The following P4HA1 variants were observed in gnomAD, a reference collection of about 807,000 sequenced individuals.
The protein encoded by P4HA1 is prolyl 4-hydroxylase subunit alpha 1.
A neutral mutation model predicts 72.8 loss-of-function variants in P4HA1; 24 were observed. The observed-to-expected ratio is 0.33, with a 90% CI of 0.24 to 0.46. The LOEUF is 0.46. Ranked by LOEUF, P4HA1 falls within the 20% of genes least tolerant of loss-of-function variation. The probability of loss-of-function intolerance (pLI) is 1.00; values close to 1 mark genes in which losing one functional copy is unlikely to be tolerated. For synonymous variants in P4HA1, 201 were observed against 218.8 expected (o/e 0.92, Z 0.72); for missense variants, 446 against 640.6 (o/e 0.70, Z 3.28).
chr10:73,079,178 G>A (rs1474297954), intron 1 of P4HA1, among the ~76,000 whole-genome samples: 4 of 152,206 alleles, frequency 2.6e-5, no homozygotes, highest in Admixed American at 6.5e-5. Context: ...AGCCTAAACT[G>A]GGTGCAGTGG....
chr10:73,058,090 G>GGAAA (rs1841198148), intron 5 of P4HA1, among the ~76,000 whole-genome samples: 1 of 23,060 alleles, frequency 4.3e-5, no homozygotes, highest in African/African-American at 1.4e-4. Context: ...ACTCCGTCCA[G>GGAAA]AAAAAAAAAA....
intron 5 of P4HA1, among the ~76,000 whole-genome samples, chr10:73,056,496 G>A (rs1327747016): frequency 6.6e-6 from 1 of 152,036 alleles, no homozygotes; most frequent in Non-Finnish European, 1.5e-5. Flanking sequence ...GCCAGGCATG[G>A]TGGCGGGTGC....
intron 5 of P4HA1, among the ~76,000 whole-genome samples, chr10:73,063,322 A>C (rs1035193698): frequency 6.6e-6 from 1 of 152,178 alleles, no homozygotes; most frequent in African/African-American, 2.4e-5. Flanking sequence ...ATGTCCTCAC[A>C]TGGTGAAGGC....
At chr10:73,058,134 A>G (rs1841203393) in intron 5 of P4HA1, among the ~76,000 whole-genome samples, 1 of 150,624 alleles carries the variant, frequency 6.6e-6, no homozygotes, top group African/African-American at 2.5e-5. Context: ...AATAAAGACA[A>G]CATTGATAGG....
At chr10:73,095,819 G>A (rs1842152452) in intron 1 of P4HA1, among the ~76,000 whole-genome samples, 2 of 152,178 alleles carry the variant, frequency 1.3e-5, no homozygotes, top group Non-Finnish European at 2.9e-5. Flanking sequence ...AGATGTTAGT[G>A]TCTAAACATT....
chr10:73,022,532 TG>T (rs1840161386), intron 10 of P4HA1, among the ~76,000 whole-genome samples: 1 of 152,082 alleles, frequency 6.6e-6, no homozygotes, highest in African/African-American at 2.4e-5. Flanking sequence ...ACCACAAAGA[TG>T]GGGAGAAACC....
rs1229563598 is a variant in P4HA1 at position 73,023,808 on chromosome 10, GAA to G, written c.1248+6461_1248+6462del. Among the ~76,000 whole-genome samples the G allele has an allele frequency of 1.7e-3, 144 of 85,180 alleles. 1 individual carries two copies. Among genetic ancestry groups the G allele is most frequent in the Middle Eastern group, 8.1e-3 (1 of 124 alleles). 55.9% of individuals were successfully genotyped at this position (85,180 alleles called of 152,430 possible). ...GGAAGATCTACGAAGCAAATGGAAA[GAA>G]AAAAAAAAAAAAAAGCAGCGGCTGC... On this transcript the variant is annotated intron_variant, in intron 10 of 14. Transcript: ENST00000394890.
intron 4 of P4HA1, among the ~76,000 whole-genome samples, chr10:73,069,982 G>T (rs1841514510): frequency 6.6e-6 from 1 of 151,242 alleles, no homozygotes; most frequent in Non-Finnish European, 1.5e-5. Context: ...GCTAATTTTT[G>T]TATTTCTAGT....
chr10:73,060,455 C>T (rs1394405720), intron 5 of P4HA1, among the ~76,000 whole-genome samples: 1 of 152,172 alleles, frequency 6.6e-6, no homozygotes, highest in African/African-American at 2.4e-5. Context: ...AACCTGTAGT[C>T]CCAGCTACTC....
intron 9 of P4HA1, among the ~76,000 whole-genome samples, chr10:73,032,219 C>G (rs1168069806): frequency 6.6e-6 from 1 of 152,120 alleles, no homozygotes; most frequent in Non-Finnish European, 1.5e-5. Context: ...ATGATTTCCC[C>G]AAATCTGTAC....
chr10:73,088,253 A>C lies in P4HA1; in HGVS notation c.-33+8513T>G, dbSNP rs544213933. On this transcript the variant is annotated intron_variant, in intron 1 of 14. Coordinates refer to ENST00000394890, the MANE Select transcript of P4HA1 (RefSeq NM_001017962.3). ...TCAAGTACAGATTGAGGCTCTAATA[A>C]AAAGATTTCATTTTGATGTTTGAGT... Among the ~76,000 whole-genome samples, 312 of 152,210 alleles carry C rather than the reference A, an allele frequency of 2.0e-3. 1 individual carries two copies. The highest frequency in any genetic ancestry group is 7.0e-3 in the African/African-American group (290 of 41,536).
chr10:73,043,724 C>T (rs1312981500), intron 9 of P4HA1, among the ~76,000 whole-genome samples: 1 of 152,138 alleles, frequency 6.6e-6, no homozygotes, highest in Non-Finnish European at 1.5e-5. Flanking sequence ...TGCCCCATAA[C>T]CATGTTTATT....
intron 5 of P4HA1, among the ~76,000 whole-genome samples, chr10:73,055,376 G>GT (rs1280270523): frequency 1.3e-5 from 2 of 152,198 alleles, no homozygotes; most frequent in Admixed American, 6.5e-5. Context: ...GCTAATTTTT[G>GT]TATTTTTAGT....
chr10:73,076,458 T>C (rs554130574), intron 1 of P4HA1, among the ~76,000 whole-genome samples: 5 of 152,274 alleles, frequency 3.3e-5, no homozygotes, highest in Admixed American at 6.5e-5. Context: ...GACTTCAGTT[T>C]TGTTTCTCTT....
In P4HA1 at chr10:73,090,876, G is replaced by A. The variant is rs374246161; in HGVS notation, c.-33+5890C>T. On this transcript the variant is annotated intron_variant, in intron 1 of 14. Coordinates refer to ENST00000394890, the MANE Select transcript of P4HA1 (RefSeq NM_001017962.3). ...AGGAGTTCGAGACCCGCCCGGCCAA[G>A]ATGGTGACACCCTGTCTCTACTAAA... Among the ~76,000 whole-genome samples the A allele has an allele frequency of 4.6e-5, 7 of 151,864 alleles. 1 individual carries two copies. Among genetic ancestry groups the A allele is most frequent in the African/African-American group, 1.7e-4 (7 of 41,436 alleles).
intron 9 of P4HA1, among the ~76,000 whole-genome samples, chr10:73,037,549 ATATATATATATATATATATATATTTT>A (rs1344501069): frequency 1.2e-3 from 36 of 29,324 alleles, no homozygotes; most frequent in African/African-American, 4.8e-3. Flanking sequence ...ATATATATAT[ATATATATATATATATATATATATTTT>A]TTTTTTTTTT....
At chr10:73,091,060 CA>C (rs202009101) in intron 1 of P4HA1, among the ~76,000 whole-genome samples, 323 of 49,348 alleles carry the variant, frequency 6.5e-3, no homozygotes, top group Middle Eastern at 0.041. Context: ...GAGTCCATCT[CA>C]AAAAAAAAAA....
chr10:73,022,338 G>C (rs1454575581), intron 10 of P4HA1, among the ~76,000 whole-genome samples: 1 of 152,136 alleles, frequency 6.6e-6, no homozygotes, highest in Non-Finnish European at 1.5e-5. Flanking sequence ...TCCTCTGCTG[G>C]TGATACCCAG....
chr10:73,089,267 T>C (rs1369526281), intron 1 of P4HA1, among the ~76,000 whole-genome samples: 1 of 152,222 alleles, frequency 6.6e-6, no homozygotes, highest in East Asian at 1.9e-4. Context: ...TATATAGAAA[T>C]ACAATTTACT....
Sources: gnomAD v4.1 joint callset for allele counts (sites outside exome capture counted in the v4.1 genomes callset) on GRCh38, gnomAD v4.1.1 for gene constraint, MANE v1.5 for transcripts, NCBI Gene and HGNC (gene_info 2026-07-23, HGNC 2026-07-21) for gene names.